STK3: variants seen among roughly 807,000 people sequenced by gnomAD.
STK3 encodes the protein serine/threonine-protein kinase 3.
Under a neutral mutation model 58.0 loss-of-function variants are expected in STK3, and 41 were observed. The observed-to-expected ratio is 0.71, with a 90% CI of 0.55 to 0.92. The LOEUF (loss-of-function observed/expected upper bound fraction) is 0.92. STK3 is among the 40% of genes least tolerant of loss of function. The probability of loss-of-function intolerance (pLI) is 0.00; values close to 1 mark genes in which losing one functional copy is unlikely to be tolerated. For synonymous variants in STK3, 170 were observed against 191.0 expected, an observed-to-expected ratio of 0.89 and a Z score of 0.91; for missense variants, 479 against 602.7, an observed-to-expected ratio of 0.79 and a Z score of 2.15.
chr8:98,622,200 C>G (rs1250508923), intron 6 of STK3, among the ~76,000 whole-genome samples: 1 of 150,622 alleles, frequency 6.6e-6, no homozygotes, highest in Non-Finnish European at 1.5e-5. Context: ...ACCCAGGAGG[C>G]AGATGTTGCA....
chr8:98,626,241 A>T (rs947279055), intron 6 of STK3, among the ~76,000 whole-genome samples: 4 of 152,248 alleles, frequency 2.6e-5, no homozygotes, highest in Admixed American at 1.3e-4. Context: ...GTGACTATAC[A>T]GGAAAAGGTG....
In STK3 at chr8:98,588,238, G is replaced by A. The variant is rs558441425; in HGVS notation, c.822+7794C>T. 3.6e-4 allele frequency among the ~76,000 whole-genome samples: 54 copies of A among 152,062 alleles called. 1 individual carries two copies. The highest frequency in any genetic ancestry group is 2.9e-3 in the South Asian group (14 of 4,818). ...GCATGATTTTGCAGCGGCTGGTGCC[G>A]GTTGTTCCTTTCCATTTTTAGCGCT... is the stretch of plus-strand genomic sequence containing the variant. On this transcript the variant is annotated intron_variant, in intron 7 of 10. Coordinates refer to ENST00000419617, the MANE Select transcript of STK3 (RefSeq NM_006281.4).
intron 7 of STK3, among the ~76,000 whole-genome samples, chr8:98,590,251 C>G (rs970909986): frequency 2.6e-5 from 4 of 152,218 alleles, no homozygotes; most frequent in African/African-American, 9.6e-5. Context: ...TTTGGATCTG[C>G]TCTGTTCCTG....
intron 6 of STK3, among the ~76,000 whole-genome samples, chr8:98,604,140 C>T (rs1490484847): frequency 1.3e-5 from 2 of 152,098 alleles, no homozygotes; most frequent in African/African-American, 4.8e-5. Context: ...ATGTGGGCAG[C>T]CTTTAGAAGC....
intron 6 of STK3, among the ~76,000 whole-genome samples, chr8:98,614,780 A>C (rs958381131): frequency 6.6e-6 from 1 of 152,196 alleles, no homozygotes; most frequent in East Asian, 1.9e-4. Flanking sequence ...CCACGAGACT[A>C]TATCCCACAC....
intron 10 of STK3, among the ~76,000 whole-genome samples, chr8:98,498,624 C>A (rs1430194998): frequency 6.6e-6 from 1 of 152,152 alleles, no homozygotes; most frequent in African/African-American, 2.4e-5. Flanking sequence ...CACCAATGAC[C>A]TCCTTGTTGC....
At chr8:98,365,976 C>T in the STK3 span, among the ~76,000 whole-genome samples, 2 of 151,968 alleles carry the variant, frequency 1.3e-5, no homozygotes, top group East Asian at 3.9e-4. Flanking sequence ...TTTCTATAAG[C>T]AGTATTTATA....
intron 7 of STK3, among the ~76,000 whole-genome samples, chr8:98,590,435 C>T (rs1815196727): frequency 6.6e-6 from 1 of 152,194 alleles, no homozygotes; most frequent in Non-Finnish European, 1.5e-5. Context: ...GGGAAGGAGT[C>T]AGAGAGCCTT....
chr8:98,706,322 T>C, intron 6 of STK3, 145 bp downstream of exon 6: 1 of 813,170 alleles, frequency 1.2e-6, no homozygotes, highest in Non-Finnish European at 1.8e-6. Flanking sequence ...AGTTAACAGT[T>C]ACTAATCTTT....
intron 1 of STK3, among the ~76,000 whole-genome samples, chr8:98,810,049 G>C (rs940925010): frequency 1.3e-5 from 2 of 152,268 alleles, no homozygotes; most frequent in African/African-American, 4.8e-5. Flanking sequence ...CACGTGGCCA[G>C]AGCAGGAGGA....
chr8:98,915,432 CTATATATATATATATA>C lies in STK3; in HGVS notation c.-79+26930_-79+26945del, dbSNP rs56187203. On this transcript the variant is annotated intron_variant, in intron 1 of 1. Transcript: ENST00000519420. ...GTGAGTTAATACTTAATAAACTTTC[CTATATATATATATATA>C]TATATATATATATATATATATAGTT... Among the ~76,000 whole-genome samples the C allele has an allele frequency of 4.9e-3, 463 of 94,632 alleles. 14 individuals carry two copies. The highest frequency in any genetic ancestry group is 0.027 in the East Asian group (77 of 2,838). 62.1% of individuals were successfully genotyped at this position (94,632 alleles called of 152,430 possible). A position where few individuals can be genotyped will look rare whatever the true frequency, so the allele number is the denominator to read the frequency against.
chr8:98,510,511 C>T (rs1824431764), intron 10 of STK3, among the ~76,000 whole-genome samples: 1 of 151,920 alleles, frequency 6.6e-6, no homozygotes, highest in African/African-American at 2.4e-5. Context: ...TTATTCACAG[C>T]TGCTCTCAAT....
At chr8:98,681,931 A>G (rs1230066607) in intron 6 of STK3, among the ~76,000 whole-genome samples, 3 of 152,258 alleles carry the variant, frequency 2.0e-5, no homozygotes, top group Non-Finnish European at 4.4e-5. Context: ...CTAGCAGTGT[A>G]TTACCTTTGT....
chr8:98,872,425 C>G (rs1564074813), intron 3 of STK3, among the ~76,000 whole-genome samples: 1 of 152,192 alleles, frequency 6.6e-6, no homozygotes, highest in Non-Finnish European at 1.5e-5. Flanking sequence ...ATGGTACCAG[C>G]TCCTCTTTAT....
chr8:98,796,114 T>C (rs1294780167), intron 1 of STK3, among the ~76,000 whole-genome samples: 2 of 152,106 alleles, frequency 1.3e-5, no homozygotes, highest in African/African-American at 2.4e-5. Flanking sequence ...GCTACCAACA[T>C]CATTTTGGAC....
At chr8:98,807,169 AAAG>A (rs1259693127) in intron 1 of STK3, among the ~76,000 whole-genome samples, 1 of 151,932 alleles carries the variant, frequency 6.6e-6, no homozygotes, top group East Asian at 1.9e-4. Flanking sequence ...AAAAAAAAAA[AAAG>A]GATTAGGTAG....
chr8:98,348,063 T>C, the STK3 span, among the ~76,000 whole-genome samples: 1 of 152,118 alleles, frequency 6.6e-6, no homozygotes, highest in Non-Finnish European at 1.5e-5. Flanking sequence ...AATCGACAAA[T>C]AGAACAATGG....
chr8:98,401,841 A>C (rs118164410), intron 3 of STK3, among the ~76,000 whole-genome samples: 3,296 of 152,316 alleles, frequency 0.022, 65 homozygotes, highest in Middle Eastern at 0.065. Flanking sequence ...CCAAACTTCC[A>C]AACTTAAGCA....
chr8:98,563,715 T>C (rs1468353264), intron 8 of STK3, among the ~76,000 whole-genome samples: 2 of 152,094 alleles, frequency 1.3e-5, no homozygotes, highest in African/African-American at 4.8e-5. Flanking sequence ...GGATATGTCA[T>C]AGGGACAAAG....
Sources: gnomAD v4.1 joint callset for allele counts (sites outside exome capture counted in the v4.1 genomes callset) on GRCh38, gnomAD v4.1.1 for gene constraint, MANE v1.5 for transcripts, NCBI Gene and HGNC (gene_info 2026-07-23, HGNC 2026-07-21) for gene names.